The following NBAS variants were observed in gnomAD, a reference collection of about 807,000 sequenced individuals.
The protein encoded by NBAS is NBAS subunit of NRZ tethering complex.
A neutral mutation model predicts 302.5 loss-of-function variants in NBAS; 219 were observed. The observed-to-expected ratio is 0.72, with a 90% CI of 0.65 to 0.81. NBAS has a LOEUF of 0.81. Among genes scored for constraint, NBAS ranks in the 30% least tolerant of loss-of-function variants. The pLI is 0.00. For synonymous variants in NBAS, 1,118 were observed against 1,021.6 expected, an observed-to-expected ratio of 1.09 and a Z score of -1.80; for missense variants, 2,932 against 2,841.6, an observed-to-expected ratio of 1.03 and a Z score of -0.72.
the NBAS span, among the ~76,000 whole-genome samples, chr2:15,085,548 G>C: frequency 6.6e-6 from 1 of 152,178 alleles, no homozygotes; most frequent in Admixed American, 6.5e-5. Context: ...CCTGCTCCAG[G>C]CTGTGAGGGG....
the NBAS span, among the ~76,000 whole-genome samples, chr2:14,860,582 A>C: frequency 6.6e-6 from 1 of 152,234 alleles, no homozygotes; most frequent in Admixed American, 6.5e-5. Flanking sequence ...AGTCAAGCAC[A>C]GAAAGACAAA....
At chr2:14,811,916 C>T in the NBAS span, among the ~76,000 whole-genome samples, 5 of 152,178 alleles carry the variant, frequency 3.3e-5, no homozygotes, top group East Asian at 1.9e-4. Context: ...ACTGAAGAAA[C>T]GATTATCAAG....
intron 25 of NBAS, among the ~76,000 whole-genome samples, chr2:15,407,453 G>A (rs145364618): frequency 5.3e-5 from 8 of 152,304 alleles, no homozygotes; most frequent in Admixed American, 4.6e-4. Context: ...CTGGAAATAG[G>A]AGAGTCTTTT....
intron 35 of NBAS, among the ~76,000 whole-genome samples, chr2:15,339,572 A>G (rs754748121): frequency 2.6e-5 from 4 of 152,226 alleles, no homozygotes; most frequent in Admixed American, 6.5e-5. Context: ...ACTGACCAAA[A>G]TATGAATAGT....
At chr2:15,521,401 T>A (rs1328534944) in intron 9 of NBAS, among the ~76,000 whole-genome samples, 1 of 152,184 alleles carries the variant, frequency 6.6e-6, no homozygotes, top group Non-Finnish European at 1.5e-5. Context: ...TCCACCTAGC[T>A]CTTACGTTTT....
At chr2:15,213,681 CT>C (rs1376151982) in intron 48 of NBAS, among the ~76,000 whole-genome samples, 3 of 152,168 alleles carry the variant, frequency 2.0e-5, no homozygotes, top group Non-Finnish European at 4.4e-5. Context: ...ATGGTAACCA[CT>C]TTGCAAGACA....
chr2:15,132,658 T>G, the NBAS span, among the ~76,000 whole-genome samples: 1 of 152,164 alleles, frequency 6.6e-6, no homozygotes, highest in East Asian at 1.9e-4. Flanking sequence ...AGGGTGTTCA[T>G]AGTGGAGGAG....
At chr2:15,397,430 G>A in intron 26 of NBAS, 1 of 416,692 alleles carries the variant, frequency 2.4e-6, no homozygotes, top group Non-Finnish European at 4.4e-6. Flanking sequence ...TAAGGACTTA[G>A]CTCCTTACAT....
At chr2:15,145,023 ATCC>A in the NBAS span, among the ~76,000 whole-genome samples, 1 of 152,158 alleles carries the variant, frequency 6.6e-6, no homozygotes, top group African/African-American at 2.4e-5. Flanking sequence ...AGTAGAGATA[ATCC>A]TCCTGTAGTA....
rs146490253 is a variant in NBAS at position 15,354,490 on chromosome 2, T to C, written c.3932-780A>G. Among the ~76,000 whole-genome samples, 446 of 152,320 alleles carry C rather than the reference T, an allele frequency of 2.9e-3. 1 individual carries two copies. Among genetic ancestry groups the C allele is most frequent in the African/African-American group, 0.01 (417 of 41,578 alleles). ...TACCCTTACCAGAATAAAATCATTATAAAGCTCTCCATATGAACAATTTAG... is the reference window on the plus strand; with the variant it reads ...TACCCTTACCAGAATAAAATCATTACAAAGCTCTCCATATGAACAATTTAG... On this transcript the variant is annotated intron_variant, in intron 33 of 51. Transcript: ENST00000281513.
the NBAS span, among the ~76,000 whole-genome samples, chr2:15,147,585 T>A: frequency 6.6e-6 from 1 of 151,814 alleles, no homozygotes; most frequent in African/African-American, 2.4e-5. Context: ...AGAGCGAAAC[T>A]CCGTCTCAAA....
At chr2:15,557,574 T>G (rs772319299) in intron 2 of NBAS, among the ~76,000 whole-genome samples, 1 of 152,216 alleles carries the variant, frequency 6.6e-6, no homozygotes, top group Non-Finnish European at 1.5e-5. Context: ...TTAACTGTAA[T>G]TTTATCAGAA....
chr2:14,783,255 T>G, the NBAS span, among the ~76,000 whole-genome samples: 2 of 152,188 alleles, frequency 1.3e-5, no homozygotes, highest in Non-Finnish European at 2.9e-5. Context: ...GTGGTTGACC[T>G]AACTATTCAG....
At chr2:15,178,517 A>C (rs1408102600) in intron 51 of NBAS, among the ~76,000 whole-genome samples, 1 of 152,212 alleles carries the variant, frequency 6.6e-6, no homozygotes, top group African/African-American at 2.4e-5. Context: ...TGCCAGAGGA[A>C]ATCAGAGTTT....
At chr2:15,451,094 C>A (rs1678985029) in intron 21 of NBAS, among the ~76,000 whole-genome samples, 1 of 152,116 alleles carries the variant, frequency 6.6e-6, no homozygotes, top group Admixed American at 6.6e-5. Flanking sequence ...CTCTGTTGCC[C>A]AGACTGGAGT....
the NBAS span, among the ~76,000 whole-genome samples, chr2:14,974,143 T>A: frequency 1.2e-4 from 18 of 152,376 alleles, no homozygotes; most frequent in African/African-American, 4.1e-4. Flanking sequence ...ACATAATAGT[T>A]ATTTATGCAC....
chr2:14,880,899 GAAAAT>G, the NBAS span, among the ~76,000 whole-genome samples: 2 of 138,246 alleles, frequency 1.4e-5, no homozygotes, highest in Non-Finnish European at 3.1e-5. Flanking sequence ...AAAGTCAAAA[GAAAAT>G]AAAAGGAATT....
At chr2:14,921,657 G>T in the NBAS span, among the ~76,000 whole-genome samples, 207 of 152,274 alleles carry the variant, frequency 1.4e-3, no homozygotes, top group African/African-American at 4.8e-3. Flanking sequence ...AGTCAGGAAT[G>T]ACCTGGGCTT....
At chr2:14,996,174 T>C in the NBAS span, among the ~76,000 whole-genome samples, 4 of 152,118 alleles carry the variant, frequency 2.6e-5, no homozygotes, top group Admixed American at 2.0e-4. Flanking sequence ...AGAGACCCCA[T>C]TGGGTCTCTC....
Sources: gnomAD v4.1 joint callset for allele counts (sites outside exome capture counted in the v4.1 genomes callset) on GRCh38, gnomAD v4.1.1 for gene constraint, MANE v1.5 for transcripts, NCBI Gene and HGNC (gene_info 2026-07-23, HGNC 2026-07-21) for gene names.